CTBP2: variants seen among roughly 807,000 people sequenced by gnomAD.
CTBP2 encodes C-terminal-binding protein 2.
A neutral mutation model predicts 80.3 loss-of-function variants in CTBP2; 30 were observed. The ratio of observed to expected loss-of-function variants is 0.37; its 90% CI spans 0.28 to 0.51. The LOEUF is 0.51. Among genes scored for constraint, CTBP2 ranks in the 20% least tolerant of loss-of-function variants. CTBP2 has a pLI of 0.93. For missense variants in CTBP2, 1,212 were observed against 1,375.3 expected (o/e 0.88, Z 1.88); for synonymous variants, 594 against 587.4 (o/e 1.01, Z -0.16).
intron 2 of CTBP2, among the ~76,000 whole-genome samples, chr10:125,084,302 GGGGAACATCTCAGGGAAGA>G (rs534430514): frequency 7.4e-4 from 113 of 152,336 alleles, no homozygotes; most frequent in African/African-American, 2.7e-3. Context: ...TGAGGGGCTT[GGGGAACATCTCAGGGAAGA>G]AGCTGCACGG....
intron 2 of CTBP2, among the ~76,000 whole-genome samples, chr10:125,067,901 G>A (rs1844887934): frequency 6.6e-6 from 1 of 152,176 alleles, no homozygotes; most frequent in Non-Finnish European, 1.5e-5. Flanking sequence ...AAGCCACCGG[G>A]CTGCAGACCC....
In CTBP2 at chr10:125,045,942, G is replaced by T. The variant is rs761986337; in HGVS notation, c.-101-6787C>A. Among the ~76,000 whole-genome samples, 19 of 151,958 alleles carry T rather than the reference G, an allele frequency of 1.3e-4. 1 individual carries two copies. The highest frequency in any genetic ancestry group is 1.9e-4 in the African/African-American group (8 of 41,354). On this transcript the variant is annotated intron_variant, in intron 2 of 10. Transcript: ENST00000337195. ...TCACATGCCCTCGATCAGTTCCAAG[G>T]GCCCCACCCTCTAATTCCCTAGGGC...
At chr10:125,058,820 G>A (rs1416325261) in intron 2 of CTBP2, among the ~76,000 whole-genome samples, 1 of 152,130 alleles carries the variant, frequency 6.6e-6, no homozygotes, top group Admixed American at 6.5e-5. Flanking sequence ...TTTGAACCCG[G>A]GAGGCGGTGG....
chr10:125,142,144 A>G (rs542858333), intron 1 of CTBP2, among the ~76,000 whole-genome samples: 4 of 152,244 alleles, frequency 2.6e-5, no homozygotes, highest in Admixed American at 2.6e-4. Context: ...CGGTTTGCCT[A>G]CTTTGCGGAG....
intron 1 of CTBP2, among the ~76,000 whole-genome samples, chr10:125,148,455 CAA>C (rs1565044171): frequency 6.6e-6 from 1 of 152,212 alleles, no homozygotes; most frequent in Non-Finnish European, 1.5e-5. Context: ...CTCTAGAAAA[CAA>C]AAGAGAATTA....
intron 3 of CTBP2, 180 bp from the exon 6 acceptor site, chr10:124,998,350 G>A: frequency 1.5e-6 from 1 of 659,534 alleles, no homozygotes; most frequent in Admixed American, 2.8e-5. Flanking sequence ...TGATGCATGG[G>A]AAGCTCTAGC....
intron 1 of CTBP2, among the ~76,000 whole-genome samples, chr10:125,135,446 C>T (rs1325955809): frequency 2.0e-5 from 3 of 152,222 alleles, no homozygotes; most frequent in Non-Finnish European, 4.4e-5. Context: ...CCCATCGCCT[C>T]GTGGGGTTCC....
At position 125,110,363 on chromosome 10, in the gene CTBP2, T is replaced by C. The variant is rs531462959; in HGVS notation, c.-102+627A>G. Among the ~76,000 whole-genome samples the C allele has an allele frequency of 8.5e-5, 13 of 152,308 alleles. No individual in the cohort carries two copies. In the South Asian group the frequency reaches 2.7e-3, roughly 32 times the overall value. Reference sequence around the variant, plus strand: ...GCTAAAGACATGCCGAAATGAAACTTAGAATCCCAAAACCCTGCTACGGGC... The same window carrying C: ...GCTAAAGACATGCCGAAATGAAACTCAGAATCCCAAAACCCTGCTACGGGC... On this transcript the variant is annotated intron_variant, in intron 2 of 10. Transcript: ENST00000337195.
At position 125,040,220 on chromosome 10, in the gene CTBP2, C is replaced by T. The variant is rs562497756; in HGVS notation, c.-101-1065G>A. On this transcript the variant is annotated intron_variant, in intron 2 of 10. Transcript: ENST00000337195. ...CTGTAAGCCCAGAAGTTTGGGAGGCCGAGGCGGGCAGATCACCTGAGGTCA... is the reference window on the plus strand; with the variant it reads ...CTGTAAGCCCAGAAGTTTGGGAGGCTGAGGCGGGCAGATCACCTGAGGTCA... Among the ~76,000 whole-genome samples the T allele has an allele frequency of 3.4e-3, 517 of 152,100 alleles. 3 individuals carry two copies. The highest frequency in any genetic ancestry group is 0.011 in the African/African-American group (471 of 41,478).
intron 1 of CTBP2, among the ~76,000 whole-genome samples, chr10:125,148,401 C>G (rs75962456): frequency 9.9e-4 from 151 of 152,352 alleles, no homozygotes; most frequent in African/African-American, 3.5e-3. Flanking sequence ...CCCCTTCCCA[C>G]TAACCACAGC....
At chr10:125,080,954 TA>T (rs11392481) in intron 2 of CTBP2, among the ~76,000 whole-genome samples, 538 of 140,444 alleles carry the variant, frequency 3.8e-3, no homozygotes, top group Admixed American at 3.8e-3. Flanking sequence ...GTACAGGACT[TA>T]AAAAAAAAAA....
chr10:125,031,959 T>G (rs1419106997), upstream of CTBP2, among the ~76,000 whole-genome samples: 1 of 152,196 alleles, frequency 6.6e-6, no homozygotes, highest in East Asian at 1.9e-4. Flanking sequence ...AACAAAGGCC[T>G]GCACATTGCT....
intron 1 of CTBP2, among the ~76,000 whole-genome samples, chr10:125,157,633 G>C (rs771401855): frequency 6.6e-6 from 1 of 150,916 alleles, no homozygotes; most frequent in Admixed American, 6.6e-5. Flanking sequence ...CCCTTTTACA[G>C]GGGGGCAGGG....
chr10:125,068,226 T>C (rs965583668), intron 2 of CTBP2, among the ~76,000 whole-genome samples: 1 of 152,194 alleles, frequency 6.6e-6, no homozygotes, highest in South Asian at 2.1e-4. Flanking sequence ...GACACGTCCA[T>C]TCTGACCACA....
chr10:125,140,364 T>C (rs1193816030), intron 1 of CTBP2, among the ~76,000 whole-genome samples: 1 of 150,934 alleles, frequency 6.6e-6, no homozygotes, highest in Non-Finnish European at 1.5e-5. Context: ...TGACTGCCGC[T>C]TAAACCTGCC....
intron 1 of CTBP2, among the ~76,000 whole-genome samples, chr10:125,025,025 T>G (rs1957399052): frequency 6.6e-6 from 1 of 152,088 alleles, no homozygotes; most frequent in Non-Finnish European, 1.5e-5. Context: ...CAGAGAAACT[T>G]AAGGTGGTCT....
In CTBP2 at chr10:125,043,234, T is replaced by C. The variant is rs745381595; in HGVS notation, c.-101-4079A>G. ...TGCTTGGCTATCAAACTCCAACATATCCAGAATCAAGGGCAGGGGAAAGGG... is the reference window on the plus strand; with the variant it reads ...TGCTTGGCTATCAAACTCCAACATACCCAGAATCAAGGGCAGGGGAAAGGG... On this transcript the variant is annotated intron_variant, in intron 2 of 10. Transcript: ENST00000337195. 1.3e-4 allele frequency among the ~76,000 whole-genome samples: 20 copies of C among 152,166 alleles called. 1 individual carries two copies. Among genetic ancestry groups the C allele is most frequent in the Non-Finnish European group, 2.8e-4 (19 of 67,994 alleles).
At chr10:125,063,972 C>G (rs1442146671) in intron 2 of CTBP2, among the ~76,000 whole-genome samples, 4 of 152,180 alleles carry the variant, frequency 2.6e-5, no homozygotes, top group African/African-American at 7.2e-5. Flanking sequence ...GCCCTCAACC[C>G]CCCGCACCCC....
chr10:125,057,954 C>G (rs1405350072), intron 2 of CTBP2, among the ~76,000 whole-genome samples: 2 of 151,416 alleles, frequency 1.3e-5, no homozygotes, highest in Non-Finnish European at 2.9e-5. Context: ...GGAAGCCAGG[C>G]TCAGGGCCGT....
Sources: allele counts gnomAD v4.1 joint callset (sites outside exome capture counted in the v4.1 genomes callset), GRCh38; gene constraint gnomAD v4.1.1; transcripts MANE v1.5; gene names NCBI Gene and HGNC (gene_info 2026-07-23, HGNC 2026-07-21).